The following PFKFB2 variants were observed in gnomAD, a reference collection of about 807,000 sequenced individuals.
PFKFB2 encodes 6-phosphofructo-2-kinase/fructose-2,6-bisphosphatase 2.
A neutral mutation model predicts 68.0 loss-of-function variants in PFKFB2; 53 were observed. The ratio of observed to expected loss-of-function variants is 0.78; its 90% CI spans 0.63 to 0.98. The LOEUF (loss-of-function observed/expected upper bound fraction) is 0.98. PFKFB2 is among the 50% of genes least tolerant of loss of function. The probability of loss-of-function intolerance (pLI) is 0.00; values close to 1 mark genes in which losing one functional copy is unlikely to be tolerated. For synonymous variants in PFKFB2, 222 were observed against 227.6 expected, an observed-to-expected ratio of 0.98 and a Z score of 0.22; for missense variants, 451 against 642.0, an observed-to-expected ratio of 0.70 and a Z score of 3.22.
At chr1:207,051,033 C>G (rs1351187747), upstream of PFKFB2, 1 of 1,498,130 alleles carries the variant, frequency 6.7e-7, no homozygotes, top group African/African-American at 1.4e-5. Context: ...CCAAACATCG[C>G]GAGAAGTTGC....
upstream of PFKFB2, among the ~76,000 whole-genome samples, chr1:207,051,926 C>G (rs1170752759): frequency 6.6e-6 from 1 of 152,240 alleles, no homozygotes; most frequent in Non-Finnish European, 1.5e-5. Flanking sequence ...GCAACTAGAG[C>G]ACTCTGGGAG....
At chr1:207,040,989 C>T (rs948928789) in intron 1 of PFKFB2, among the ~76,000 whole-genome samples, 19 of 137,214 alleles carry the variant, frequency 1.4e-4, no homozygotes, top group South Asian at 1.4e-3. Flanking sequence ...AGTGCAGTGG[C>T]GCTATCTCGG....
At position 207,077,643 on chromosome 1, in the gene PFKFB2, G is replaced by C; in HGVS notation, c.*5272G>C. ...TTCTACTGTAGATTTCCTAGGCACT[G>C]CTCTGTTGAAATAGGAACATAAGTC... On this transcript the variant is annotated 3_prime_UTR_variant, in exon 15 of 15. Coordinates refer to ENST00000367080, the MANE Select transcript of PFKFB2 (RefSeq NM_006212.2). 1 of 985,736 alleles carries C rather than the reference G, an allele frequency of 1.0e-6. No homozygotes were observed. Among genetic ancestry groups the C allele is most frequent in the Non-Finnish European group, 1.2e-6 (1 of 829,844 alleles). 61.1% of individuals were successfully genotyped at this position (985,736 alleles called of 1,614,324 possible).
Position 207,062,625 on chromosome 1 carries a change from A to C in PFKFB2, c.217A>C (p.Asn73His). ...GATTTGGGTGTCTTCTACAGTGTTT[A>C]ATCTTGGGGTGTATCGGCGTGAAGC... Reference protein sequence around the residue: ...NWIGVPTKVFNLGVYRREAVK... With the variant: ...NWIGVPTKVFHLGVYRREAVK... The change falls in exon 4 of 15, where the codon AAT (asparagine) becomes CAT (histidine). Residue 73 changes from asparagine to histidine, a missense_variant. Physicochemically the swap from Asn to His is moderately conservative, Grantham distance 68. Coordinates refer to ENST00000367080, the MANE Select transcript of PFKFB2 (RefSeq NM_006212.2). The C allele has an allele frequency of 6.2e-7, 1 of 1,613,638 alleles. No individual in the cohort carries two copies. The highest frequency in any genetic ancestry group is 8.5e-7 in the Non-Finnish European group (1 of 1,179,786).
At position 207,070,968 on chromosome 1, in the gene PFKFB2, G is replaced by T. The variant is rs544958195; in HGVS notation, c.1223-220G>T. Among the ~76,000 whole-genome samples, 1 of 152,118 alleles carries T rather than the reference G, an allele frequency of 6.6e-6. No individual in the cohort carries two copies. Among genetic ancestry groups the T allele is most frequent in the South Asian group, 2.1e-4 (1 of 4,816 alleles). On this transcript the variant is annotated intron_variant, in intron 12 of 14. Coordinates refer to ENST00000367080, the MANE Select transcript of PFKFB2 (RefSeq NM_006212.2). This position sits in a 1 kb window ranked among gnomAD's most constrained non-coding sequence, Gnocchi z 4.2. The stretch of plus-strand genomic sequence containing the variant: ...TCTGGCTACAATACTTCCTGTTTTT[G>T]CCTGCGTGGAAGGATCTAAGATGGC...
rs201417050 is a variant in PFKFB2 at position 207,072,299 on chromosome 1, C to T, written c.1446C>T (p.Tyr482=). 8.7e-5 allele frequency: 141 copies of T among 1,614,204 alleles called. No individual in the cohort carries two copies. The Middle Eastern group carries it at 1.2e-3, about 13-fold the overall frequency. Residue 482 remains tyrosine (Y), a synonymous_variant, in exon 15 of 15, where the codon TAC becomes TAT. Transcript: ENST00000367080. ...ATACAATAAGGCGTCCAAGAAATTA[C>T]AGTGTTGGGAGCCGGCCCCTCAAGC... ...SSNTIRRPRN[Y]SVGSRPLKPL...
upstream of PFKFB2, chr1:207,052,259 A>AT (rs748199667): frequency 1.7e-4 from 274 of 1,580,192 alleles, no homozygotes; most frequent in Middle Eastern, 3.4e-4. Context: ...TCATGACTCA[A>AT]TTTTTTTTTG....
At chr1:207,054,651 T>C in intron 1 of PFKFB2, 50 bp from the exon 2 acceptor site, 1 of 1,299,600 alleles carries the variant, frequency 7.7e-7, no homozygotes, top group Non-Finnish European at 1.1e-6. Flanking sequence ...TTTTAAGTTA[T>C]GTCTTCTTTC....
rs181516816 is a variant in PFKFB2, at chr1:207,068,403, T to C, written c.987+94T>C. Reference sequence around the variant, plus strand: ...ATTTAGACAGTTTTATCTAGGAAACTACAACCAACAAGTAAAAACTCTGAG... The same window carrying C: ...ATTTAGACAGTTTTATCTAGGAAACCACAACCAACAAGTAAAAACTCTGAG... On this transcript the variant is annotated intron_variant, in intron 10 of 14. Coordinates refer to ENST00000367080, the MANE Select transcript of PFKFB2 (RefSeq NM_006212.2). 2,866 of 1,100,398 alleles carry C rather than the reference T, an allele frequency of 2.6e-3. 17 individuals are homozygous for C. Among genetic ancestry groups the C allele is most frequent in the Non-Finnish European group, 2.2e-3 (1,750 of 812,320 alleles). 68.2% of individuals were successfully genotyped at this position (1,100,398 alleles called of 1,614,324 possible).
upstream of PFKFB2, chr1:207,049,554 T>C: frequency 6.2e-7 from 1 of 1,614,168 alleles, no homozygotes; most frequent in Non-Finnish European, 8.5e-7. Context: ...TCAAGACTCC[T>C]CCTTCGACGA....
chr1:207,050,979 A>C (rs112723983), upstream of PFKFB2: 2 of 1,538,838 alleles, frequency 1.3e-6, no homozygotes, highest in Non-Finnish European at 1.8e-6. Context: ...CCGCCGGGGA[A>C]ACCAGGCGCC....
Position 207,073,884 on chromosome 1 carries a change from A to C in PFKFB2, c.*1513A>C. The C allele has an allele frequency of 1.0e-6, 1 of 985,126 alleles. No homozygotes were observed. Among genetic ancestry groups the C allele is most frequent in the Non-Finnish European group, 1.2e-6 (1 of 829,628 alleles). The allele number at this position is 985,126 out of a possible 1,614,324, so 61.0% of individuals were successfully genotyped here. On this transcript the variant is annotated 3_prime_UTR_variant, in exon 15 of 15. Transcript: ENST00000367080. ...TTCTCATGGGATTTTAAAAAGAGAT[A>C]GGTGACTCCCCACCTTAAAGTTATC...
Position 207,061,859 on chromosome 1 carries a change from T to C in PFKFB2, c.86-94T>C, listed in dbSNP as rs2808460. The stretch of plus-strand genomic sequence containing the variant: ...ATCACGCCACTGTACTCCAGCCTGG[T>C]GACAGAGTGAGACTCCGTCTCAAAA... On this transcript the variant is annotated intron_variant, in intron 2 of 14. Transcript: ENST00000367080. 0.019 allele frequency: 20,150 copies of C among 1,082,352 alleles called. 2,439 individuals carry two copies. In the African/African-American group the frequency reaches 0.27, roughly 14 times the overall value. 67.0% of individuals were successfully genotyped at this position (1,082,352 alleles called of 1,614,324 possible).
At chr1:207,080,225 A>C (rs1683728188), downstream of PFKFB2, 1 of 6,486 alleles carries the variant, frequency 1.5e-4, no homozygotes, top group African/African-American at 7.0e-4. Context: ...TTGCAAGGAA[A>C]GTCTATTTTT....
intron 1 of PFKFB2, among the ~76,000 whole-genome samples, chr1:207,035,805 G>A (rs1216407310): frequency 6.6e-6 from 1 of 152,236 alleles, no homozygotes; most frequent in East Asian, 1.9e-4. Context: ...CAGGCAAAGG[G>A]AGAGCAGGCA....
chr1:207,051,207 G>A, upstream of PFKFB2: 1 of 1,254,626 alleles, frequency 8.0e-7, no homozygotes, highest in Non-Finnish European at 1.0e-6. Context: ...TATAGAGCGA[G>A]TGAGGTGCCC....
At chr1:207,049,454 T>C, upstream of PFKFB2, 2 of 1,614,200 alleles carry the variant, frequency 1.2e-6, no homozygotes, top group Admixed American at 1.7e-5. Context: ...TCTTGATTTG[T>C]TTTTCCCAGT....
At chr1:207,062,767 A>T (rs372557808) in intron 4 of PFKFB2, 51 bp downstream of exon 4, 173 of 1,551,032 alleles carry the variant, frequency 1.1e-4, no homozygotes, top group Non-Finnish European at 1.5e-4. Flanking sequence ...CTTGGCCGTC[A>T]TGAGACTTGG....
At position 207,072,532 on chromosome 1, in the gene PFKFB2, T is replaced by C; in HGVS notation, c.*161T>C. Reference sequence around the variant, plus strand: ...TCTTAACACAGAACATGAGGTTATGTGTTTATAGGACAACTTAAGCTGTTC... The same window carrying C: ...TCTTAACACAGAACATGAGGTTATGCGTTTATAGGACAACTTAAGCTGTTC... On this transcript the variant is annotated 3_prime_UTR_variant, in exon 15 of 15. Coordinates refer to ENST00000367080, the MANE Select transcript of PFKFB2 (RefSeq NM_006212.2). 1.4e-6 allele frequency: 2 copies of C among 1,401,590 alleles called. No individual in the cohort carries two copies. The highest frequency in any genetic ancestry group is 1.7e-5 in the South Asian group (1 of 60,082). 86.8% of individuals were successfully genotyped at this position (1,401,590 alleles called of 1,614,324 possible). A position where few individuals can be genotyped will look rare whatever the true frequency, so the allele number is the denominator to read the frequency against.
Sources: allele counts gnomAD v4.1 joint callset (sites outside exome capture counted in the v4.1 genomes callset), GRCh38; gene constraint gnomAD v4.1.1; non-coding constraint Gnocchi (gnomAD v3.1); transcripts MANE v1.5; gene names NCBI Gene and HGNC (gene_info 2026-07-23, HGNC 2026-07-21).